The following MYH2 variants were observed in gnomAD, a reference collection of about 807,000 sequenced individuals.
The protein encoded by MYH2 is myosin heavy chain 2.
Under a neutral mutation model 228.1 loss-of-function variants are expected in MYH2, and 139 were observed. That is an observed-to-expected ratio of 0.61 (90% CI 0.53 to 0.70). The LOEUF (loss-of-function observed/expected upper bound fraction) is 0.70, where lower values mean the gene tolerates loss of function less well. Ranked by LOEUF, MYH2 falls within the 30% of genes least tolerant of loss-of-function variation. The pLI is 0.00. For synonymous variants in MYH2, 796 were observed against 871.1 expected, an observed-to-expected ratio of 0.91 and a Z score of 1.52; for missense variants, 1,809 against 2,357.5, an observed-to-expected ratio of 0.77 and a Z score of 4.82.
chr17:10,536,021 C>T (rs187735305), intron 17 of MYH2, among the ~76,000 whole-genome samples: 26 of 152,238 alleles, frequency 1.7e-4, no homozygotes, highest in African/African-American at 6.0e-4. Context: ...GTATTATGGT[C>T]TATAAGATTT....
chr17:10,543,630 A>G, intron 8 of MYH2, 81 bp downstream of exon 8: 2 of 1,558,300 alleles, frequency 1.3e-6, no homozygotes, highest in Non-Finnish European at 1.8e-6. Flanking sequence ...GGGAATGAAA[A>G]AGATTCAGAG....
In MYH2 at chr17:10,549,452, G is replaced by A. The variant is rs539708390; in HGVS notation, c.-63-35C>T. 3 of 152,792 alleles carry A rather than the reference G, an allele frequency of 2.0e-5. No individual in the cohort carries two copies. The South Asian group carries it at 6.2e-4, about 32-fold the overall frequency. 9.5% of individuals were successfully genotyped at this position (152,792 alleles called of 1,614,324 possible). On this transcript the variant is annotated intron_variant, in intron 1 of 39. Coordinates refer to ENST00000245503, the MANE Select transcript of MYH2 (RefSeq NM_017534.6). Reference sequence around the variant, plus strand: ...AAAAGGGAAAAGCACTTGATTAGTTGACCAAAAAGAGGGGGAAAAAATCCC... The same window carrying A: ...AAAAGGGAAAAGCACTTGATTAGTTAACCAAAAAGAGGGGGAAAAAATCCC...
At position 10,529,634 on chromosome 17, in the gene MYH2, A is replaced by G. The variant is rs1452576504; in HGVS notation, c.3047T>C (p.Leu1016Pro). The stretch of plus-strand genomic sequence containing the variant: ...GTTGACTTTGTCCTCCTCTGCCTGC[A>G]GGTCATCCAGGGTCTGCTGGTGGGC... ...QEAHQQTLDD[L>P]QAEEDKVNTL... is the part of the protein sequence containing the mutation. The change falls in exon 24 of 40, where the codon CTG (leucine) becomes CCG (proline). Residue 1016 changes from leucine to proline, a missense_variant. By Grantham distance (98) the Leu-to-Pro change is moderately conservative. This residue lies in a region of MYH2 where 636 missense variants were observed against 729.9 expected (regional missense o/e 0.87). Transcript: ENST00000245503. 6.2e-7 allele frequency: 1 copy of G among 1,614,104 alleles called. No homozygotes were observed. The highest frequency in any genetic ancestry group is 8.5e-7 in the Non-Finnish European group (1 of 1,180,024).
rs769335779 is a variant in MYH2 at position 10,524,917 on chromosome 17, T to C, written c.4811A>G (p.Gln1604Arg). 6.2e-6 allele frequency: 10 copies of C among 1,614,052 alleles called. No individual in the cohort carries two copies. The highest frequency in any genetic ancestry group is 1.7e-5 in the Admixed American group (1 of 59,988). The change falls in exon 34 of 40, where the codon CAG becomes CGG. Residue 1604 changes from glutamine (Q) to arginine (R), a missense_variant. Gln to Arg is a conservative substitution (Grantham distance 43). This residue lies in a region of MYH2 where 75 missense variants were observed against 131.2 expected (regional missense o/e 0.57). Transcript: ENST00000245503. This position sits in a 1 kb window ranked among gnomAD's most constrained non-coding sequence, Gnocchi z 4.7. ...RNHIRIVESM[Q>R]STLDAEIRSR... Reference sequence around the variant, plus strand: ...CCTGATCTCAGCATCCAGCGTGCTCTGCATGGACTCCACGATTCTAATGTG... The same window carrying C: ...CCTGATCTCAGCATCCAGCGTGCTCCGCATGGACTCCACGATTCTAATGTG...
intron 22 of MYH2, among the ~76,000 whole-genome samples, chr17:10,530,403 T>C (rs557844731): frequency 1.3e-5 from 2 of 152,358 alleles, no homozygotes; most frequent in East Asian, 1.9e-4. Flanking sequence ...CATGAAAGAA[T>C]TGCTGTTTGA....
In MYH2 at chr17:10,536,517, A is replaced by T. The variant is rs1016807372; in HGVS notation, c.1974+13T>A. Reference sequence around the variant, plus strand: ...AAGTAATTGGAGAATGTCAAAAACAATTTCTTCCTTACTCTGAAAAGGGCA... The same window carrying T: ...AAGTAATTGGAGAATGTCAAAAACATTTTCTTCCTTACTCTGAAAAGGGCA... On this transcript the variant is annotated intron_variant, in intron 17 of 39. Transcript: ENST00000245503. 1 of 1,610,966 alleles carries T rather than the reference A, an allele frequency of 6.2e-7. No individual in the cohort carries two copies. Among genetic ancestry groups the T allele is most frequent in the Non-Finnish European group, 8.5e-7 (1 of 1,177,810 alleles).
Position 10,527,815 on chromosome 17 carries a change from C to G in MYH2, c.3804G>C (p.Lys1268Asn). ...LEDQLSELKS[K>N]EEEQQRLIND... is the part of the protein sequence containing the mutation. ...TGATCAGCCGCTGCTGCTCCTCTTC[C>G]TTTGATTTCAGTTCACTCAGTTGGT... Residue 1268 changes from lysine (K) to asparagine (N), a missense_variant, in exon 28 of 40, where the codon AAG becomes AAC. Transcript: ENST00000245503. The G allele has an allele frequency of 6.2e-7, 1 of 1,614,130 alleles. No individual in the cohort carries two copies. Among genetic ancestry groups the G allele is most frequent in the Non-Finnish European group, 8.5e-7 (1 of 1,180,036 alleles).
chr17:10,534,298 A>T (rs1258750765), intron 19 of MYH2, among the ~76,000 whole-genome samples: 3 of 152,248 alleles, frequency 2.0e-5, no homozygotes, highest in Non-Finnish European at 2.9e-5. Flanking sequence ...AACATAGATG[A>T]TACCAAAGGA....
In MYH2 at chr17:10,527,776, C is replaced by T. The variant is rs1062469; in HGVS notation, c.3843G>A (p.Ala1281=). Residue 1281 remains alanine, a synonymous_variant, in exon 28 of 40, where the codon GCG becomes GCA. Coordinates refer to ENST00000245503, the MANE Select transcript of MYH2 (RefSeq NM_017534.6). The stretch of plus-strand genomic sequence containing the variant: ...ATTCAGTCTGCAGGCGCCCCCTCTG[C>T]GCAGTCAGGTCATTGATCAGCCGCT... The part of the protein sequence containing the change: ...EQQRLINDLT[A]QRGRLQTESG... The T allele has an allele frequency of 2.0e-5, 33 of 1,613,936 alleles. No individual in the cohort carries two copies. Among genetic ancestry groups the T allele is most frequent in the Non-Finnish European group, 2.7e-5 (32 of 1,180,016 alleles).
At position 10,534,537 on chromosome 17, in the gene MYH2, C is replaced by T. The variant is rs568656402; in HGVS notation, c.2180+536G>A. Among the ~76,000 whole-genome samples the T allele has an allele frequency of 1.1e-4, 17 of 152,310 alleles. No individual in the cohort carries two copies. In the South Asian group the frequency reaches 1.9e-3, roughly 17 times the overall value. On this transcript the variant is annotated intron_variant, in intron 19 of 39. Coordinates refer to ENST00000245503, the MANE Select transcript of MYH2 (RefSeq NM_017534.6). ...CGTTCTTAATTATTATTGGAGTTAACGTGTGCATCTATGAGCTAAGCTAAG... is the reference window on the plus strand; with the variant it reads ...CGTTCTTAATTATTATTGGAGTTAATGTGTGCATCTATGAGCTAAGCTAAG...
rs1322403112 is a variant in MYH2, at chr17:10,537,195, G to A, written c.1897+38C>T. 4 of 1,610,452 alleles carry A rather than the reference G, an allele frequency of 2.5e-6. No homozygotes were observed. Among genetic ancestry groups the A allele is most frequent in the Non-Finnish European group, 3.4e-6 (4 of 1,176,892 alleles). On this transcript the variant is annotated intron_variant, in intron 16 of 39. Transcript: ENST00000245503. The surrounding 1 kb of genome is among the most constrained non-coding windows in gnomAD (Gnocchi z 4.0). The stretch of plus-strand genomic sequence containing the variant: ...TAGCTTCAATTTAACATCACATTTT[G>A]TAATACCTAGAGAGTATTATTAACA...
chr17:10,525,913 C>G lies in MYH2; in HGVS notation c.4188-37G>C, dbSNP rs1443344154. 1.2e-6 allele frequency: 2 copies of G among 1,604,750 alleles called. No homozygotes were observed. Among genetic ancestry groups the G allele is most frequent in the Non-Finnish European group, 1.7e-6 (2 of 1,172,450 alleles). On this transcript the variant is annotated intron_variant, in intron 30 of 39. Coordinates refer to ENST00000245503, the MANE Select transcript of MYH2 (RefSeq NM_017534.6). This position sits in a 1 kb window ranked among gnomAD's most constrained non-coding sequence, Gnocchi z 4.2. ...TACATGTTTTCAGAGAGAAGTGAAC[C>G]ATAATATGAATTATGAGCTATTGCC...
chr17:10,540,778 A>G (rs2073542505), intron 10 of MYH2, 81 bp from the exon 11 acceptor site: 1 of 1,263,774 alleles, frequency 7.9e-7, no homozygotes, highest in Non-Finnish European at 1.1e-6. Context: ...ATTGTGAGGC[A>G]CTATATTGTT....
chr17:10,537,595 T>A lies in MYH2; in HGVS notation c.1588-53A>T. The A allele has an allele frequency of 1.2e-6, 2 of 1,614,074 alleles. No individual in the cohort carries two copies. The highest frequency in any genetic ancestry group is 1.7e-6 in the Non-Finnish European group (2 of 1,179,984). Reference sequence around the variant, plus strand: ...GTACTTCTATTTTTTTTTCTGTCTATAGAATTAAAATAAAAAGCAGCGAAT... The same window carrying A: ...GTACTTCTATTTTTTTTTCTGTCTAAAGAATTAAAATAAAAAGCAGCGAAT... On this transcript the variant is annotated intron_variant, in intron 15 of 39. Transcript: ENST00000245503. The surrounding 1 kb of genome is among the most constrained non-coding windows in gnomAD (Gnocchi z 4.0).
At chr17:10,544,538 A>G (rs946193723) in intron 5 of MYH2, among the ~76,000 whole-genome samples, 2 of 152,260 alleles carry the variant, frequency 1.3e-5, no homozygotes, top group Non-Finnish European at 2.9e-5. Context: ...GATTTAAGTT[A>G]GGGACATATA....
intron 21 of MYH2, among the ~76,000 whole-genome samples, chr17:10,533,080 T>C (rs978636537): frequency 6.6e-6 from 1 of 152,216 alleles, no homozygotes; most frequent in African/African-American, 2.4e-5. Flanking sequence ...ACACACTTCT[T>C]ACCTAACTTC....
chr17:10,540,482 A>G, intron 11 of MYH2, 112 bp downstream of exon 11: 1 of 949,552 alleles, frequency 1.1e-6, no homozygotes, highest in African/African-American at 1.6e-5. Flanking sequence ...GGGCATGTCC[A>G]TTTGCATCCT....
chr17:10,521,546 A>G (rs2073284571), intron 39 of MYH2, 114 bp from the exon 40 acceptor site: 10 of 899,036 alleles, frequency 1.1e-5, no homozygotes, highest in Non-Finnish European at 1.7e-5. Flanking sequence ...AGGGATTATC[A>G]TTGAAATTAA....
intron 22 of MYH2, among the ~76,000 whole-genome samples, chr17:10,530,471 A>G (rs1204189799): frequency 1.3e-5 from 2 of 151,738 alleles, no homozygotes; most frequent in Non-Finnish European, 2.9e-5. Context: ...TATTGTGGAG[A>G]GGAGCAGGAG....
Sources: allele counts gnomAD v4.1 joint callset (sites outside exome capture counted in the v4.1 genomes callset), GRCh38; gene constraint gnomAD v4.1.1; regional missense constraint gnomAD v4.1.1; non-coding constraint Gnocchi (gnomAD v3.1); transcripts MANE v1.5; gene names NCBI Gene and HGNC (gene_info 2026-07-23, HGNC 2026-07-21).